Variants in C17orf67 observed in about 807,000 individuals in gnomAD.
C17orf67 encodes uncharacterized protein C17orf67.
C17orf67 carries 12 observed loss-of-function variants against 11.2 expected under a neutral mutation model. The observed-to-expected ratio is 1.07, with a 90% confidence interval of 0.68 to 1.73. The LOEUF is 1.73. Among genes scored for constraint, C17orf67 ranks in the 40% most tolerant of loss-of-function variants. C17orf67 has a pLI of 0.00. For synonymous variants in C17orf67, 59 were observed against 46.9 expected (o/e 1.26, Z -1.05); for missense variants, 115 against 113.5 (o/e 1.01, Z -0.06).
chr17:56,800,561 C>T (rs764331438), intron 6 of C17orf67, among the ~76,000 whole-genome samples: 4 of 152,102 alleles, frequency 2.6e-5, no homozygotes, highest in Admixed American at 6.6e-5. Flanking sequence ...TTTCCCTGAA[C>T]GGGCCATGCT....
At chr17:56,828,165 G>T (rs1037802393) in intron 2 of C17orf67, among the ~76,000 whole-genome samples, 1 of 151,552 alleles carries the variant, frequency 6.6e-6, no homozygotes, top group African/African-American at 2.4e-5. Flanking sequence ...CAGCACTTTG[G>T]GAGGACAGGG....
At chr17:56,816,097 G>C (rs1905756136) in intron 4 of C17orf67, 87 bp from the exon 5 acceptor site, 2 of 368,160 alleles carry the variant, frequency 5.4e-6, no homozygotes, top group African/African-American at 4.1e-5. Context: ...CATTTAAACA[G>C]ACAGATAAGC....
At chr17:56,831,438 A>G (rs544194464) in intron 2 of C17orf67, among the ~76,000 whole-genome samples, 1 of 152,330 alleles carries the variant, frequency 6.6e-6, no homozygotes, top group South Asian at 2.1e-4. Flanking sequence ...ACTTGGGAAC[A>G]GGACCTTTTG....
At chr17:56,802,779 T>C (rs1208654370) in intron 6 of C17orf67, among the ~76,000 whole-genome samples, 1 of 152,230 alleles carries the variant, frequency 6.6e-6, no homozygotes, top group African/African-American at 2.4e-5. Context: ...CAGGAAACTT[T>C]CCGTAAAGGC....
intron 4 of C17orf67, among the ~76,000 whole-genome samples, chr17:56,817,963 C>T (rs966872956): frequency 1.3e-5 from 2 of 151,720 alleles, no homozygotes; most frequent in Admixed American, 6.6e-5. Context: ...CCTACCTCAG[C>T]CTCACTAGTA....
intron 6 of C17orf67, among the ~76,000 whole-genome samples, chr17:56,797,358 G>A (rs994992749): frequency 6.6e-6 from 1 of 152,028 alleles, no homozygotes; most frequent in Non-Finnish European, 1.5e-5. Context: ...TGGTCTTGGG[G>A]GCACAGCACA....
At chr17:56,809,086 C>T (rs1905525483) in intron 6 of C17orf67, among the ~76,000 whole-genome samples, 1 of 152,034 alleles carries the variant, frequency 6.6e-6, no homozygotes, top group Non-Finnish European at 1.5e-5. Flanking sequence ...CCAATGATCA[C>T]TAACTCTACT....
intron 6 of C17orf67, among the ~76,000 whole-genome samples, chr17:56,796,243 G>A (rs1008077747): frequency 1.3e-5 from 2 of 152,298 alleles, no homozygotes; most frequent in South Asian, 2.1e-4. Flanking sequence ...CTTGTATACA[G>A]ATGTTCACAC....
Position 56,796,924 on chromosome 17 carries a change from T to A in C17orf67, c.157-1744A>T, listed in dbSNP as rs141325576. 3.3e-3 allele frequency among the ~76,000 whole-genome samples: 499 copies of A among 151,940 alleles called. 5 individuals are homozygous for A. Among genetic ancestry groups the A allele is most frequent in the African/African-American group, 0.012 (478 of 41,440 alleles). On this transcript the variant is annotated intron_variant, in intron 6 of 7. Coordinates refer to ENST00000397861, the MANE Select transcript of C17orf67 (RefSeq NM_001085430.4). The stretch of plus-strand genomic sequence containing the variant: ...CTCCTCGAAGCCTTCACCAGTGCTG[T>A]CTACCTGCAAGGAGTCAGCATCTGC...
At chr17:56,800,452 T>C (rs1905293936) in intron 6 of C17orf67, among the ~76,000 whole-genome samples, 1 of 152,188 alleles carries the variant, frequency 6.6e-6, no homozygotes, top group Non-Finnish European at 1.5e-5. Context: ...GAGAAAGTTC[T>C]GATTCCTTAA....
At chr17:56,813,781 CTTTGT>C (rs1905687989) in intron 6 of C17orf67, among the ~76,000 whole-genome samples, 1 of 151,616 alleles carries the variant, frequency 6.6e-6, no homozygotes, top group South Asian at 2.1e-4. Context: ...TTAAAAAGTA[CTTTGT>C]TTTATCATCA....
intron 2 of C17orf67, among the ~76,000 whole-genome samples, chr17:56,826,274 T>C (rs1044022379): frequency 2.6e-5 from 4 of 152,208 alleles, no homozygotes; most frequent in African/African-American, 9.6e-5. Flanking sequence ...TAAAAGTGTA[T>C]TATTTTGTTA....
At chr17:56,811,973 T>A (rs1478393031) in intron 6 of C17orf67, among the ~76,000 whole-genome samples, 2 of 152,086 alleles carry the variant, frequency 1.3e-5, no homozygotes, top group Non-Finnish European at 2.9e-5. Flanking sequence ...TTTGGCCCCA[T>A]CCCCCATACC....
At chr17:56,829,476 G>A (rs1906133641) in intron 2 of C17orf67, among the ~76,000 whole-genome samples, 1 of 152,118 alleles carries the variant, frequency 6.6e-6, no homozygotes, top group Non-Finnish European at 1.5e-5. Flanking sequence ...ACACCAGCCA[G>A]GCAGCCAAGA....
Position 56,795,199 on chromosome 17 carries a change from C to A in C17orf67, c.157-19G>T. ...TGTATTCCTGTCAAAACAAACCACACTGAAGAAGGCTTCACCCACAGTGAC... is the reference window on the plus strand; with the variant it reads ...TGTATTCCTGTCAAAACAAACCACAATGAAGAAGGCTTCACCCACAGTGAC... On this transcript the variant is annotated intron_variant, in intron 6 of 7. Coordinates refer to ENST00000397861, the MANE Select transcript of C17orf67 (RefSeq NM_001085430.4). 1 of 1,607,898 alleles carries A rather than the reference C, an allele frequency of 6.2e-7. No individual in the cohort carries two copies.
chr17:56,804,222 G>A (rs1198518309), intron 6 of C17orf67: 3 of 152,176 alleles, frequency 2.0e-5, no homozygotes, highest in Non-Finnish European at 4.4e-5. Flanking sequence ...TGGCTCTGGA[G>A]TGGTGTGATA....
At chr17:56,809,988 C>G (rs1905569419) in intron 6 of C17orf67, among the ~76,000 whole-genome samples, 1 of 144,496 alleles carries the variant, frequency 6.9e-6, no homozygotes, top group Non-Finnish European at 1.5e-5. Context: ...TTGCACAGAC[C>G]CTTCACACAC....
intron 5 of C17orf67, among the ~76,000 whole-genome samples, chr17:56,815,231 G>A (rs796085819): frequency 1.3e-5 from 2 of 152,252 alleles, no homozygotes; most frequent in African/African-American, 4.8e-5. Context: ...TTGAAAGTGG[G>A]TATTAATTTA....
At chr17:56,830,070 G>A (rs934156583) in intron 2 of C17orf67, among the ~76,000 whole-genome samples, 25 of 152,128 alleles carry the variant, frequency 1.6e-4, no homozygotes, top group Admixed American at 2.0e-4. Context: ...TTGGCCGGGC[G>A]TGGTGGCTCA....
Sources: allele counts gnomAD v4.1 joint callset (sites outside exome capture counted in the v4.1 genomes callset), GRCh38; gene constraint gnomAD v4.1.1; transcripts MANE v1.5; gene names NCBI Gene and HGNC (gene_info 2026-07-23, HGNC 2026-07-21).